Variants in ZNF536 observed in about 807,000 individuals in gnomAD.
The protein encoded by ZNF536 is zinc finger protein 536.
A neutral mutation model predicts 84.5 loss-of-function variants in ZNF536; 13 were observed. That is an observed-to-expected ratio of 0.15 (90% CI 0.10 to 0.24). The LOEUF is 0.24. Among genes scored for constraint, ZNF536 ranks in the 10% least tolerant of loss-of-function variants. The pLI is 1.00. For missense variants in ZNF536, 1,536 were observed against 1,747.5 expected (o/e 0.88, Z 2.16); for synonymous variants, 811 against 742.5 (o/e 1.09, Z -1.50).
chr19:30,704,647 C>CA (rs970475752), intron 1 of ZNF536, among the ~76,000 whole-genome samples: 18,230 of 52,678 alleles, frequency 0.35, 2,970 homozygotes, highest in East Asian at 0.45. Flanking sequence ...GAGTCCATCT[C>CA]AAAAAAAAAA....
chr19:30,633,739 A>T (rs1224414239), intron 1 of ZNF536, among the ~76,000 whole-genome samples: 1 of 152,046 alleles, frequency 6.6e-6, no homozygotes, highest in East Asian at 1.9e-4. Flanking sequence ...AATTTTTTAA[A>T]TTTTTTAATT....
chr19:30,353,059 T>C (rs1187057173), intron 3 of ZNF536, among the ~76,000 whole-genome samples: 1 of 152,168 alleles, frequency 6.6e-6, no homozygotes, highest in African/African-American at 2.4e-5. Flanking sequence ...AAAGTGAAAG[T>C]TAAAAATAAA....
intron 1 of ZNF536, among the ~76,000 whole-genome samples, chr19:30,692,791 G>A (rs2051466720): frequency 6.6e-6 from 1 of 152,206 alleles, no homozygotes; most frequent in South Asian, 2.1e-4. Context: ...AGGCAGAGCT[G>A]CCTCCTCGCA....
intron 2 of ZNF536, among the ~76,000 whole-genome samples, chr19:30,504,217 C>T (rs978927989): frequency 2.0e-5 from 3 of 151,310 alleles, no homozygotes; most frequent in Non-Finnish European, 4.4e-5. Context: ...TCCCTTCCTT[C>T]CCTTCTTCTT....
intron 1 of ZNF536, among the ~76,000 whole-genome samples, chr19:30,612,680 T>A (rs182989580): frequency 6.6e-6 from 1 of 152,338 alleles, no homozygotes; most frequent in African/African-American, 2.4e-5. Context: ...TTTCAAAATA[T>A]CAGATTTTCT....
intron 2 of ZNF536, among the ~76,000 whole-genome samples, chr19:30,532,124 T>C (rs918853606): frequency 8.3e-6 from 1 of 120,108 alleles, no homozygotes; most frequent in Non-Finnish European, 2.0e-5. Flanking sequence ...TTACCCTTCT[T>C]TTTTTTTTTA....
At chr19:30,441,785 C>A (rs1249890225) in intron 1 of ZNF536, among the ~76,000 whole-genome samples, 1 of 152,222 alleles carries the variant, frequency 6.6e-6, no homozygotes, top group Non-Finnish European at 1.5e-5. Context: ...TGGCCCAGCA[C>A]CACCACTGTA....
intron 2 of ZNF536, among the ~76,000 whole-genome samples, chr19:30,514,211 A>G (rs1409705770): frequency 6.6e-6 from 1 of 152,156 alleles, no homozygotes; most frequent in Non-Finnish European, 1.5e-5. Flanking sequence ...GCCTCCATAG[A>G]TTATTCAATT....
intron 1 of ZNF536, among the ~76,000 whole-genome samples, chr19:30,229,364 C>A (rs995564100): frequency 1.3e-5 from 2 of 151,944 alleles, no homozygotes; most frequent in Non-Finnish European, 2.9e-5. Flanking sequence ...AAATACCAAC[C>A]CTTGCCTGAT....
chr19:30,603,294 AATGG>A lies in ZNF536; in HGVS notation c.169+53802_169+53805del, dbSNP rs758738622. Among the ~76,000 whole-genome samples the A allele has an allele frequency of 4.3e-4, 65 of 152,238 alleles. 1 individual carries two copies. The highest frequency in any genetic ancestry group is 3.3e-3 in the Admixed American group (50 of 15,296). On this transcript the variant is annotated intron_variant, in intron 1 of 1. Transcript: ENST00000592773. ...GGTGAGGAAAACAAAGGAAAGAAAG[AATGG>A]ATGGATGGATGGATGGATGGACAAA...
downstream of ZNF536, among the ~76,000 whole-genome samples, chr19:30,558,535 A>G (rs1420966449): frequency 6.6e-6 from 1 of 152,176 alleles, no homozygotes; most frequent in Non-Finnish European, 1.5e-5. Context: ...TTTGTAATGA[A>G]GAGACTCAGG....
rs369527532 is a variant in ZNF536 at position 30,508,422 on chromosome 19, G to A, written c.2171-26425G>A. 5.6e-4 allele frequency among the ~76,000 whole-genome samples: 86 copies of A among 152,272 alleles called. 2 individuals carry two copies. In the South Asian group the frequency reaches 0.017, roughly 30 times the overall value. On this transcript the variant is annotated intron_variant, in intron 2 of 4. Coordinates refer to ENST00000355537, the MANE Select transcript of ZNF536 (RefSeq NM_014717.3). ...CTTCATTCTTCAGTCCCACTGCCTGGGGTATGACTGGGACCAGGTCAGAAA... is the reference window on the plus strand; with the variant it reads ...CTTCATTCTTCAGTCCCACTGCCTGAGGTATGACTGGGACCAGGTCAGAAA...
chr19:30,328,634 T>G (rs1318090576), intron 2 of ZNF536, among the ~76,000 whole-genome samples: 1 of 152,226 alleles, frequency 6.6e-6, no homozygotes, highest in Non-Finnish European at 1.5e-5. Context: ...GTACCACTTG[T>G]GTGTTTCAGA....
In ZNF536 at chr19:30,239,447, C is replaced by A. The variant is rs571460949; in HGVS notation, c.-190+10774C>A. ...ACATGTAGGTTGCATGCCCTTCAGA[C>A]TGGGACTCTTGGCACGTGGCCTGGA... On this transcript the variant is annotated intron_variant, in intron 1 of 5. Transcript: ENST00000585628. Among the ~76,000 whole-genome samples, 155 of 152,334 alleles carry A rather than the reference C, an allele frequency of 1.0e-3. 3 individuals carry two copies. The highest frequency in any genetic ancestry group is 3.4e-3 in the African/African-American group (143 of 41,570).
chr19:30,409,639 T>A (rs2050400038), intron 1 of ZNF536, among the ~76,000 whole-genome samples: 1 of 152,254 alleles, frequency 6.6e-6, no homozygotes, highest in Non-Finnish European at 1.5e-5. Context: ...TTTGAATACC[T>A]GTTGCCAAAT....
At chr19:30,572,819 G>A (rs1232628570) in intron 1 of ZNF536, among the ~76,000 whole-genome samples, 2 of 152,206 alleles carry the variant, frequency 1.3e-5, no homozygotes, top group African/African-American at 4.8e-5. Context: ...AGGCCTCTTT[G>A]TTGAAGGGGG....
chr19:30,398,460 T>A (rs1294417620), intron 1 of ZNF536, among the ~76,000 whole-genome samples: 2 of 152,030 alleles, frequency 1.3e-5, no homozygotes, highest in Non-Finnish European at 2.9e-5. Context: ...TACATAGGTA[T>A]ACACACGCCA....
intron 1 of ZNF536, among the ~76,000 whole-genome samples, chr19:30,611,878 G>A (rs964380155): frequency 6.6e-6 from 1 of 152,190 alleles, no homozygotes; most frequent in African/African-American, 2.4e-5. Flanking sequence ...ATATGCCTGT[G>A]CCCTTTGGAC....
intron 1 of ZNF536, among the ~76,000 whole-genome samples, chr19:30,708,845 A>G (rs1251332462): frequency 4.6e-5 from 7 of 152,222 alleles, no homozygotes; most frequent in African/African-American, 1.7e-4. Flanking sequence ...TGCTAAATAG[A>G]CGCAGGACTG....
Sources: allele counts gnomAD v4.1 joint callset (sites outside exome capture counted in the v4.1 genomes callset), GRCh38; gene constraint gnomAD v4.1.1; transcripts MANE v1.5; gene names NCBI Gene and HGNC (gene_info 2026-07-23, HGNC 2026-07-21).